Variants in SYT9 observed in about 807,000 individuals in gnomAD.
SYT9 encodes synaptotagmin-9.
SYT9 carries 22 observed loss-of-function variants against 48.4 expected under a neutral mutation model. That is an observed-to-expected ratio of 0.45 (90% CI 0.32 to 0.65). SYT9 has a LOEUF of 0.65. SYT9 is among the 30% of genes least tolerant of loss of function. The pLI is 0.03. For synonymous variants in SYT9, 265 were observed against 245.0 expected (o/e 1.08, Z -0.76); for missense variants, 577 against 622.0 (o/e 0.93, Z 0.77).
intron 1 of SYT9, among the ~76,000 whole-genome samples, chr11:7,256,006 G>T (rs1276955606): frequency 6.6e-6 from 1 of 152,080 alleles, no homozygotes; most frequent in African/African-American, 2.4e-5. Context: ...TTCTACCCAT[G>T]GATCTTGATT....
At chr11:7,403,936 A>G (rs1468368190) in intron 3 of SYT9, among the ~76,000 whole-genome samples, 1 of 152,100 alleles carries the variant, frequency 6.6e-6, no homozygotes, top group Non-Finnish European at 1.5e-5. Context: ...TGCTTCATGT[A>G]TTTTGAGAGT....
At chr11:7,379,768 A>G (rs1470634294) in intron 3 of SYT9, among the ~76,000 whole-genome samples, 2 of 152,160 alleles carry the variant, frequency 1.3e-5, no homozygotes, top group East Asian at 1.9e-4. Flanking sequence ...AATTGAGATT[A>G]CCATCCAAAA....
chr11:7,423,700 C>T (rs1363066420), intron 6 of SYT9, among the ~76,000 whole-genome samples: 1 of 152,158 alleles, frequency 6.6e-6, no homozygotes, highest in Non-Finnish European at 1.5e-5. Flanking sequence ...AAATATCATC[C>T]ATGTGTGTCA....
At chr11:7,353,478 G>T (rs775699796) in intron 3 of SYT9, among the ~76,000 whole-genome samples, 10 of 152,154 alleles carry the variant, frequency 6.6e-5, no homozygotes, top group Non-Finnish European at 1.5e-4. Context: ...CACCTAGATG[G>T]CAGATTTCCG....
At chr11:7,267,929 A>G (rs563514495) in intron 1 of SYT9, among the ~76,000 whole-genome samples, 6 of 152,162 alleles carry the variant, frequency 3.9e-5, no homozygotes, top group East Asian at 1.9e-4. Flanking sequence ...AGAAGACAAT[A>G]GAAAGCACAA....
rs886582991 is a variant in SYT9, at chr11:7,251,938, T to C, written c.-249T>C. 7.4e-6 allele frequency: 3 copies of C among 407,044 alleles called. No individual in the cohort carries two copies. Among genetic ancestry groups the C allele is most frequent in the Non-Finnish European group, 1.3e-5 (3 of 230,974 alleles). The allele number at this position is 407,044 out of a possible 1,614,324, so 25.2% of individuals were successfully genotyped here. On this transcript the variant is annotated 5_prime_UTR_variant, in exon 1 of 7. Coordinates refer to ENST00000318881, the MANE Select transcript of SYT9 (RefSeq NM_175733.4). ...TGTGCGGCACCGCCTCTCCTCGGTG[T>C]CTGGGGAGGGACGGAGGGACCGGGC...
At chr11:7,413,943 A>G (rs1023493344) in intron 3 of SYT9, among the ~76,000 whole-genome samples, 1 of 152,100 alleles carries the variant, frequency 6.6e-6, no homozygotes, top group African/African-American at 2.4e-5. Flanking sequence ...TGCCTGGTTT[A>G]CATTCTGAAT....
chr11:7,451,636 G>A (rs969312897), intron 6 of SYT9, among the ~76,000 whole-genome samples: 5 of 152,112 alleles, frequency 3.3e-5, no homozygotes, highest in Admixed American at 1.3e-4. Context: ...GGATTGGTTC[G>A]GGGTGAGTGT....
Position 7,405,295 on chromosome 11 carries a change from A to G in SYT9, c.1045-10747A>G, listed in dbSNP as rs1219335854. On this transcript the variant is annotated intron_variant, in intron 3 of 6. Transcript: ENST00000318881. The stretch of plus-strand genomic sequence containing the variant: ...ATCATCCCTGAGCTCTACCCACTAG[A>G]TATCAGTAACACACCCTCCTCCACA... Among the ~76,000 whole-genome samples the G allele has an allele frequency of 2.6e-5, 4 of 152,070 alleles. No homozygotes were observed. The South Asian group carries it at 8.3e-4, about 32-fold the overall frequency.
chr11:7,354,031 C>T (rs920072136), intron 3 of SYT9, among the ~76,000 whole-genome samples: 2 of 152,194 alleles, frequency 1.3e-5, no homozygotes, highest in South Asian at 4.1e-4. Context: ...TATGGTGAAT[C>T]ATTAATAGTA....
At position 7,252,252 on chromosome 11, in the gene SYT9, TG is replaced by T; in HGVS notation, c.70del (p.Ala24ProfsTer29). 6.6e-7 allele frequency: 1 copy of T among 1,506,598 alleles called. No homozygotes were observed. The highest frequency in any genetic ancestry group is 1.3e-5 in the South Asian group (1 of 79,586). 93.3% of individuals were successfully genotyped at this position (1,506,598 alleles called of 1,614,324 possible). A position where few individuals can be genotyped will look rare whatever the true frequency, so the allele number is the denominator to read the frequency against. The part of the protein sequence containing the change: ...LQLLAELCAR[G>X]ALEHDSCQDF... ...AGCTGCTGGCCGAGCTCTGTGCCCGTGGGGCCCTGGAGCACGACAGCTGCCA... is the reference window on the plus strand; with the variant it reads ...AGCTGCTGGCCGAGCTCTGTGCCCGTGGGCCCTGGAGCACGACAGCTGCCA... On this transcript the variant is annotated frameshift_variant, in exon 1 of 7. Transcript: ENST00000318881. LOFTEE classifies it high-confidence loss of function. This position sits in a 1 kb window ranked among gnomAD's most constrained non-coding sequence, Gnocchi z 6.3.
In SYT9 at chr11:7,432,585, ATATATACATATAT is replaced by A. The variant is rs1847623109; in HGVS notation, c.1467+11951_1467+11963del. Among the ~76,000 whole-genome samples the A allele has an allele frequency of 6.8e-3, 18 of 2,652 alleles. 2 individuals carry two copies. Among genetic ancestry groups the A allele is most frequent in the South Asian group, 0.042 (2 of 48 alleles). The allele number at this position is 2,652 out of a possible 152,430, so 1.7% of individuals were successfully genotyped here. ...AAAAAAAAAAAAAAAAAAAAAAAAT[ATATATACATATAT>A]ATATATATATATATATATATATATA... is the stretch of plus-strand genomic sequence containing the variant. On this transcript the variant is annotated intron_variant, in intron 6 of 6. Coordinates refer to ENST00000318881, the MANE Select transcript of SYT9 (RefSeq NM_175733.4).
intron 6 of SYT9, among the ~76,000 whole-genome samples, chr11:7,459,764 G>C (rs1347412775): frequency 6.6e-6 from 1 of 152,160 alleles, no homozygotes; most frequent in Admixed American, 6.5e-5. Context: ...AAGACCTAGA[G>C]GGACATACAG....
At chr11:7,263,040 T>C (rs73409516) in intron 1 of SYT9, among the ~76,000 whole-genome samples, 2,580 of 152,222 alleles carry the variant, frequency 0.017, 66 homozygotes, top group African/African-American at 0.058. Context: ...AATGATATCC[T>C]TGGTTGAGAA....
chr11:7,338,423 C>G (rs983421287), intron 3 of SYT9, among the ~76,000 whole-genome samples: 1 of 152,024 alleles, frequency 6.6e-6, no homozygotes, highest in African/African-American at 2.4e-5. Context: ...TTCTATAGTT[C>G]TTTTAGTTGT....
At chr11:7,334,258 A>G (rs952386507) in intron 3 of SYT9, among the ~76,000 whole-genome samples, 2 of 152,166 alleles carry the variant, frequency 1.3e-5, no homozygotes, top group East Asian at 1.9e-4. Context: ...TAAGACAAGA[A>G]TAAGTCTTTG....
At chr11:7,269,419 G>T (rs1848255114) in intron 1 of SYT9, among the ~76,000 whole-genome samples, 1 of 152,090 alleles carries the variant, frequency 6.6e-6, no homozygotes, top group Admixed American at 6.5e-5. Flanking sequence ...ATAACAGCAG[G>T]TTAGACACAG....
chr11:7,277,841 GA>G (rs1031140635), intron 1 of SYT9, among the ~76,000 whole-genome samples: 6 of 152,210 alleles, frequency 3.9e-5, no homozygotes, highest in African/African-American at 1.4e-4. Flanking sequence ...AGATTGCTGA[GA>G]AAGGCACAGT....
In SYT9 at chr11:7,338,072, T is replaced by G. The variant is rs940496058; in HGVS notation, c.1044+24131T>G. Among the ~76,000 whole-genome samples the G allele has an allele frequency of 6.6e-5, 10 of 152,336 alleles. No homozygotes were observed. In the East Asian group the frequency reaches 1.9e-3, roughly 29 times the overall value. On this transcript the variant is annotated intron_variant, in intron 3 of 6. Coordinates refer to ENST00000318881, the MANE Select transcript of SYT9 (RefSeq NM_175733.4). ...CTGGCCTGTTAAGGGATTCTGTTTC[T>G]TCCTGGTTCAGTCTTGGGAGGATGT...
Sources: allele counts gnomAD v4.1 joint callset (sites outside exome capture counted in the v4.1 genomes callset), GRCh38; gene constraint gnomAD v4.1.1; non-coding constraint Gnocchi (gnomAD v3.1); transcripts MANE v1.5; gene names NCBI Gene and HGNC (gene_info 2026-07-23, HGNC 2026-07-21).